The following ZBTB16 variants were observed in gnomAD, a reference collection of about 807,000 sequenced individuals.
The protein encoded by ZBTB16 is zinc finger and BTB domain containing 16, also known as zinc finger and BTB domain-containing protein 16.
A neutral mutation model predicts 56.8 loss-of-function variants in ZBTB16; 8 were observed. The ratio of observed to expected loss-of-function variants is 0.14; its 90% confidence interval spans 0.08 to 0.25. The LOEUF (loss-of-function observed/expected upper bound fraction) is 0.25. ZBTB16 is among the 10% of genes least tolerant of loss of function. The pLI, the probability that ZBTB16 is intolerant of heterozygous loss-of-function variation, is 1.00. For synonymous variants in ZBTB16, 363 were observed against 368.5 expected (o/e 0.98, Z 0.17); for missense variants, 625 against 903.0 (o/e 0.69, Z 3.95).
Position 114,075,629 on chromosome 11 carries a change from G to A in ZBTB16, c.1268+11061G>A, listed in dbSNP as rs1591641466. 2.8e-5 allele frequency among the ~76,000 whole-genome samples: 4 copies of A among 141,024 alleles called. 1 individual carries two copies. Among genetic ancestry groups the A allele is most frequent in the Non-Finnish European group, 4.5e-5 (3 of 66,618 alleles). 92.5% of individuals were successfully genotyped at this position (141,024 alleles called of 152,430 possible). A position where few individuals can be genotyped will look rare whatever the true frequency, so the allele number is the denominator to read the frequency against. ...GCACCACCACACCTGGCTAATTTTT[G>A]TATATATATATATATATATTTAGTA... On this transcript the variant is annotated intron_variant, in intron 2 of 6. Coordinates refer to ENST00000335953, the MANE Select transcript of ZBTB16 (RefSeq NM_006006.6).
intron 4 of ZBTB16, among the ~76,000 whole-genome samples, chr11:114,216,440 G>A (rs2135141289): frequency 6.6e-6 from 1 of 152,308 alleles, no homozygotes; most frequent in East Asian, 1.9e-4. Context: ...CTCTGACCCA[G>A]CCCTTATCTT....
intron 4 of ZBTB16, among the ~76,000 whole-genome samples, chr11:114,210,125 G>A (rs1026205058): frequency 6.6e-6 from 1 of 151,978 alleles, no homozygotes; most frequent in African/African-American, 2.4e-5. Context: ...GCAAATGTGC[G>A]GGTTGATCAT....
At chr11:114,083,556 G>A (rs572765981) in intron 2 of ZBTB16, among the ~76,000 whole-genome samples, 1 of 152,200 alleles carries the variant, frequency 6.6e-6, no homozygotes, top group East Asian at 1.9e-4. Context: ...GATGAGCTGA[G>A]CCCTAGCACT....
In ZBTB16 at chr11:114,064,085, C is replaced by A; in HGVS notation, c.785C>A (p.Ser262Tyr). 1 of 1,613,858 alleles carries A rather than the reference C, an allele frequency of 6.2e-7. No homozygotes were observed. The change falls in exon 2 of 7, where the codon TCC (serine) becomes TAC (tyrosine). Residue 262 changes from serine to tyrosine, a missense_variant. Around this residue, in one of 6 missense-constraint regions of ZBTB16, gnomAD observed 384 missense variants for 393.5 expected, o/e 0.98. Transcript: ENST00000335953. The surrounding 1 kb of genome is among the most constrained non-coding windows in gnomAD (Gnocchi z 4.2). ...PSQDSPGAAESSISGGMGDKV... is the reference protein window; with the variant it reads ...PSQDSPGAAEYSISGGMGDKV... ...CAGGACAGCCCTGGGGCAGCCGAGT[C>A]CAGCATCTCAGGAGGGATGGGGGAC... is the stretch of plus-strand genomic sequence containing the variant.
At chr11:114,096,271 G>A (rs186394734) in intron 2 of ZBTB16, among the ~76,000 whole-genome samples, 16 of 152,278 alleles carry the variant, frequency 1.1e-4, no homozygotes, top group African/African-American at 3.9e-4. Context: ...GAGAGCTGGT[G>A]TGGTTTCAGC....
At chr11:114,142,270 C>G (rs1341392642) in intron 2 of ZBTB16, among the ~76,000 whole-genome samples, 3 of 152,304 alleles carry the variant, frequency 2.0e-5, no homozygotes, top group Middle Eastern at 3.4e-3. Context: ...TGCCTAAAAA[C>G]TTTTTCTCCT....
At chr11:114,241,914 T>A (rs909236020) in intron 4 of ZBTB16, among the ~76,000 whole-genome samples, 2 of 152,210 alleles carry the variant, frequency 1.3e-5, no homozygotes, top group Non-Finnish European at 2.9e-5. Context: ...CTACCCTTGC[T>A]GCTGCGATGT....
chr11:114,128,010 A>C (rs1941558003), intron 2 of ZBTB16, among the ~76,000 whole-genome samples: 1 of 151,578 alleles, frequency 6.6e-6, no homozygotes, highest in Non-Finnish European at 1.5e-5. Flanking sequence ...ATTGCTAGCG[A>C]CTCCCAGCAA....
At chr11:114,151,305 A>G (rs1278266512) in intron 2 of ZBTB16, among the ~76,000 whole-genome samples, 1 of 152,150 alleles carries the variant, frequency 6.6e-6, no homozygotes, top group African/African-American at 2.4e-5. Context: ...GTTGGGAAGG[A>G]TTATGTACTG....
chr11:114,061,055 T>C (rs1272861203), intron 1 of ZBTB16, among the ~76,000 whole-genome samples: 2 of 151,748 alleles, frequency 1.3e-5, no homozygotes, highest in Non-Finnish European at 2.9e-5. Context: ...CTAGCTCAGC[T>C]CTCCTTCTTT....
At chr11:114,099,271 C>T (rs73000956) in intron 2 of ZBTB16, among the ~76,000 whole-genome samples, 1,970 of 152,178 alleles carry the variant, frequency 0.013, 16 homozygotes, top group Middle Eastern at 0.024. Context: ...AAACAGTGGT[C>T]TTACAGCCTG....
At chr11:114,193,469 G>T (rs1943544206) in intron 4 of ZBTB16, among the ~76,000 whole-genome samples, 1 of 152,150 alleles carries the variant, frequency 6.6e-6, no homozygotes, top group African/African-American at 2.4e-5. Flanking sequence ...GGATAGGGCT[G>T]GCAAAGAGGG....
At chr11:114,215,151 G>T (rs1704832590) in intron 4 of ZBTB16, among the ~76,000 whole-genome samples, 1 of 152,170 alleles carries the variant, frequency 6.6e-6, no homozygotes, top group South Asian at 2.1e-4. Context: ...AAAACAAGTG[G>T]TGAATCTAAT....
intron 2 of ZBTB16, among the ~76,000 whole-genome samples, chr11:114,101,811 T>C (rs1171678162): frequency 6.6e-6 from 1 of 152,264 alleles, no homozygotes; most frequent in Non-Finnish European, 1.5e-5. Context: ...TTTTATTTCC[T>C]TGCATTTTTC....
chr11:114,090,485 T>C (rs766710314), intron 2 of ZBTB16, among the ~76,000 whole-genome samples: 4 of 152,144 alleles, frequency 2.6e-5, no homozygotes, highest in African/African-American at 9.7e-5. Flanking sequence ...GAGCTCCCTC[T>C]CTCCCCTCTG....
At chr11:114,245,156 A>T (rs1944789006) in intron 5 of ZBTB16, among the ~76,000 whole-genome samples, 1 of 151,886 alleles carries the variant, frequency 6.6e-6, no homozygotes, top group African/African-American at 2.4e-5. Flanking sequence ...ACAGGCCTCC[A>T]CTCCCTTGAG....
At chr11:114,206,536 G>A (rs1402898062) in intron 4 of ZBTB16, among the ~76,000 whole-genome samples, 1 of 152,174 alleles carries the variant, frequency 6.6e-6, no homozygotes, top group Admixed American at 6.5e-5. Context: ...TCTGCACCAG[G>A]GCTCTGTATG....
rs548652302 is a variant in ZBTB16, at chr11:114,256,573, G to A, written c.*6018G>A. 6.6e-6 allele frequency among the ~76,000 whole-genome samples: 1 copy of A among 152,272 alleles called. No homozygotes were observed. The highest frequency in any genetic ancestry group is 2.1e-4 in the South Asian group (1 of 4,822). ...AGACATTTTCAACTGACTCCTTAGTGGCTAAGCAAGCTTCAGAAATTTCTC... is the reference window on the plus strand; with the variant it reads ...AGACATTTTCAACTGACTCCTTAGTAGCTAAGCAAGCTTCAGAAATTTCTC... On this transcript the variant is annotated 3_prime_UTR_variant, in exon 7 of 7. Transcript: ENST00000335953.
intron 3 of ZBTB16, among the ~76,000 whole-genome samples, chr11:114,173,567 G>A (rs1412032837): frequency 6.6e-6 from 1 of 152,172 alleles, no homozygotes; most frequent in Non-Finnish European, 1.5e-5. Context: ...TAAAATTTAC[G>A]TACTCAGCCC....
Sources: gnomAD v4.1 joint callset for allele counts (sites outside exome capture counted in the v4.1 genomes callset) on GRCh38, gnomAD v4.1.1 for gene constraint, gnomAD v4.1.1 regional missense constraint, Gnocchi (gnomAD v3.1) non-coding constraint, MANE v1.5 for transcripts, NCBI Gene and HGNC (gene_info 2026-07-23, HGNC 2026-07-21) for gene names.